Variants in NR4A1 observed in about 807,000 individuals in gnomAD.
NR4A1 encodes nuclear receptor subfamily 4 group A member 1.
NR4A1 carries 24 observed loss-of-function variants against 47.5 expected under a neutral mutation model. The observed-to-expected ratio is 0.50, with a 90% CI of 0.37 to 0.71. NR4A1 has a LOEUF of 0.71. NR4A1 is among the 30% of genes least tolerant of loss of function. The pLI is 0.00. For synonymous variants in NR4A1, 353 were observed against 345.7 expected (o/e 1.02, Z -0.24); for missense variants, 669 against 788.6 (o/e 0.85, Z 1.82).
chr12:52,058,129 C>T (rs1427107483), intron 6 of NR4A1, among the ~76,000 whole-genome samples: 11 of 152,220 alleles, frequency 7.2e-5, no homozygotes, highest in African/African-American at 2.4e-5. Flanking sequence ...TAGCCCTTCA[C>T]TGTGACTTCT....
intron 1 of NR4A1, among the ~76,000 whole-genome samples, chr12:52,032,757 C>G (rs1938154043): frequency 6.6e-6 from 1 of 152,082 alleles, no homozygotes; most frequent in African/African-American, 2.4e-5. Context: ...AGTTTTTGCA[C>G]CTTTTCTTAG....
chr12:52,023,090 C>T (rs1307692488), intron 1 of NR4A1, among the ~76,000 whole-genome samples: 1 of 152,196 alleles, frequency 6.6e-6, no homozygotes, highest in African/African-American at 2.4e-5. Context: ...GGGATCCCTG[C>T]CGGAGTCTGC....
chr12:52,045,501 G>A (rs778193334), intron 2 of NR4A1: 1 of 452,254 alleles, frequency 2.2e-6, no homozygotes, highest in South Asian at 1.6e-5. Flanking sequence ...CAGTGGGGGA[G>A]CCCAGGCCCC....
At chr12:52,045,821 G>T (rs1168745328) in intron 2 of NR4A1, among the ~76,000 whole-genome samples, 1 of 152,224 alleles carries the variant, frequency 6.6e-6, no homozygotes, top group Non-Finnish European at 1.5e-5. Context: ...TTGGGCAAGG[G>T]CCAGGAGAGC....
At chr12:52,055,564 C>T in intron 2 of NR4A1, 1 of 515,156 alleles carries the variant, frequency 1.9e-6, no homozygotes, top group South Asian at 3.2e-5. Context: ...CTCTCATGTT[C>T]CTGGCGTGAG....
At chr12:52,042,248 G>A (rs1459248724) in intron 2 of NR4A1, among the ~76,000 whole-genome samples, 1 of 152,148 alleles carries the variant, frequency 6.6e-6, no homozygotes, top group Non-Finnish European at 1.5e-5. Context: ...CCAGGAAGCA[G>A]ATAGGGTAGA....
chr12:52,040,050 C>G (rs1938376899), intron 1 of NR4A1, among the ~76,000 whole-genome samples: 1 of 152,172 alleles, frequency 6.6e-6, no homozygotes. Context: ...GCCCACTCAG[C>G]CTTTGGTTTG....
chr12:52,037,451 G>T, intron 1 of NR4A1: 1 of 986,070 alleles, frequency 1.0e-6, no homozygotes. Context: ...CAGGTGAGGG[G>T]CTGCCGGGGT....
intron 1 of NR4A1, among the ~76,000 whole-genome samples, chr12:52,052,194 A>G (rs1190186694): frequency 6.7e-6 from 1 of 148,418 alleles, no homozygotes; most frequent in African/African-American, 2.6e-5. Context: ...TGTATTGAAT[A>G]AAGGAGGCTT....
At chr12:52,049,516 G>A (rs1435743286), upstream of NR4A1, among the ~76,000 whole-genome samples, 1 of 152,246 alleles carries the variant, frequency 6.6e-6, no homozygotes, top group Non-Finnish European at 1.5e-5. Flanking sequence ...GGGAGAGGCT[G>A]AGTGCAGTGG....
chr12:52,053,156 AG>A (rs1939071151), intron 1 of NR4A1, among the ~76,000 whole-genome samples: 1 of 152,082 alleles, frequency 6.6e-6, no homozygotes, highest in South Asian at 2.1e-4. Flanking sequence ...CCAGGTGTGT[AG>A]GTTGGGAGGG....
upstream of NR4A1, chr12:52,051,294 A>C (rs1281054611): frequency 2.0e-6 from 1 of 511,214 alleles, no homozygotes. Flanking sequence ...CCCGGGCCGC[A>C]CCTCCCCCTG....
At chr12:52,038,023 A>G (rs1938303926) in intron 1 of NR4A1, 1 of 984,352 alleles carries the variant, frequency 1.0e-6, no homozygotes, top group Non-Finnish European at 1.2e-6. Flanking sequence ...TGTGGAGGGC[A>G]GGGCACAGTT....
chr12:52,050,458 T>C (rs1938866052), upstream of NR4A1, among the ~76,000 whole-genome samples: 1 of 152,222 alleles, frequency 6.6e-6, no homozygotes, highest in African/African-American at 2.4e-5. Flanking sequence ...CCATTATTTC[T>C]CTGAGCCTGT....
At chr12:52,028,602 T>C (rs901509238) in intron 1 of NR4A1, among the ~76,000 whole-genome samples, 2 of 149,204 alleles carry the variant, frequency 1.3e-5, no homozygotes, top group African/African-American at 5.0e-5. Flanking sequence ...AAAAGATACC[T>C]GCTTAAAAGA....
At chr12:52,038,658 G>C (rs954325367) in intron 1 of NR4A1, 2 of 750,948 alleles carry the variant, frequency 2.7e-6, no homozygotes, top group Admixed American at 1.8e-5. Context: ...CTTGGATGGA[G>C]ACTTAAAAAG....
intron 1 of NR4A1, among the ~76,000 whole-genome samples, chr12:52,039,347 T>C (rs770884762): frequency 2.0e-5 from 3 of 152,192 alleles, no homozygotes; most frequent in Non-Finnish European, 4.4e-5. Flanking sequence ...CTGTCAGCGG[T>C]GTCCTGTTGC....
chr12:52,048,227 A>C (rs1281678425), upstream of NR4A1, among the ~76,000 whole-genome samples: 4 of 152,030 alleles, frequency 2.6e-5, no homozygotes, highest in Admixed American at 2.6e-4. Context: ...CAAGCCACAG[A>C]TAACGCACTT....
In NR4A1 at chr12:52,056,656, A is replaced by G. The variant is rs758718516; in HGVS notation, c.1158+11A>G. On this transcript the variant is annotated intron_variant, in intron 4 of 6. Coordinates refer to ENST00000394825, the MANE Select transcript of NR4A1 (RefSeq NM_173157.3). ...CTGGACTACTCCAAGGTGAGGTCCCACCCCGTGTCTGCCTTGGGGAGGTCT... is the reference window on the plus strand; with the variant it reads ...CTGGACTACTCCAAGGTGAGGTCCCGCCCCGTGTCTGCCTTGGGGAGGTCT... The G allele has an allele frequency of 2.6e-6, 4 of 1,559,646 alleles. No homozygotes were observed. Among genetic ancestry groups the G allele is most frequent in the Non-Finnish European group, 3.5e-6 (4 of 1,159,156 alleles).
Sources: allele counts gnomAD v4.1 joint callset (sites outside exome capture counted in the v4.1 genomes callset), GRCh38; gene constraint gnomAD v4.1.1; transcripts MANE v1.5; gene names NCBI Gene and HGNC (gene_info 2026-07-23, HGNC 2026-07-21).